The following SLC26A5 variants were observed in gnomAD, a reference collection of about 807,000 sequenced individuals.
The protein encoded by SLC26A5 is solute carrier family 26 member 5, also known as prestin.
SLC26A5 carries 51 observed loss-of-function variants against 81.0 expected under a neutral mutation model. The ratio of observed to expected loss-of-function variants is 0.63; its 90% CI spans 0.50 to 0.80. The LOEUF (loss-of-function observed/expected upper bound fraction) is 0.80. Ranked by LOEUF, SLC26A5 falls within the 30% of genes least tolerant of loss-of-function variation. The probability of loss-of-function intolerance (pLI) is 0.00; values close to 1 mark genes in which losing one functional copy is unlikely to be tolerated. For missense variants in SLC26A5, 771 were observed against 905.8 expected (o/e 0.85, Z 1.91); for synonymous variants, 325 against 332.8 (o/e 0.98, Z 0.25).
intron 8 of SLC26A5, among the ~76,000 whole-genome samples, chr7:103,400,091 C>T (rs554411334): frequency 7.9e-5 from 12 of 151,524 alleles, no homozygotes; most frequent in South Asian, 2.1e-4. Context: ...TACCCAGTAA[C>T]GGGATTGCTG....
rs1820797278 is a variant in SLC26A5, at chr7:103,367,860, T to C, written c.2041+8948A>G. On this transcript the variant is annotated intron_variant, in intron 19 of 19. Coordinates refer to the SLC26A5 transcript ENST00000339444. The surrounding 1 kb of genome is among the most constrained non-coding windows in gnomAD (Gnocchi z 6.1). Reference sequence around the variant, plus strand: ...TTGCTGGTCTGTCTGCTCAGGCTGCTTTAATTAAGCCCGTTTATTTTCTTT... The same window carrying C: ...TTGCTGGTCTGTCTGCTCAGGCTGCCTTAATTAAGCCCGTTTATTTTCTTT... The C allele has an allele frequency of 1.2e-6, 2 of 1,612,420 alleles. No individual in the cohort carries two copies. Among genetic ancestry groups the C allele is most frequent in the Non-Finnish European group, 1.7e-6 (2 of 1,179,422 alleles).
chr7:103,428,735 G>A lies in SLC26A5; in HGVS notation c.-53-7168C>T, dbSNP rs539538243. Among the ~76,000 whole-genome samples the A allele has an allele frequency of 2.0e-5, 3 of 151,856 alleles. No individual in the cohort carries two copies. In the East Asian group the frequency reaches 5.8e-4, roughly 29 times the overall value. On this transcript the variant is annotated intron_variant, in intron 2 of 19. Coordinates refer to ENST00000306312, the MANE Select transcript of SLC26A5 (RefSeq NM_198999.3). ...GTGCCACTACGCCTGGCTAATTTTT[G>A]TATAATATTTTTACTAGAGATGGGG...
chr7:103,445,167 G>C (rs905303036), intron 1 of SLC26A5: 4 of 152,108 alleles, frequency 2.6e-5, no homozygotes, highest in Non-Finnish European at 4.4e-5. Context: ...AGTACTCATC[G>C]AAGCTAGGAA....
At chr7:103,390,865 CTTTT>C (rs532219107) in intron 11 of SLC26A5, among the ~76,000 whole-genome samples, 1 of 134,616 alleles carries the variant, frequency 7.4e-6, no homozygotes. Context: ...TGGCCATTTA[CTTTT>C]TTTTTTTTTT....
chr7:103,421,704 T>C, intron 2 of SLC26A5, 137 bp from the exon 3 acceptor site: 2 of 615,744 alleles, frequency 3.2e-6, no homozygotes, highest in Non-Finnish European at 5.7e-6. Flanking sequence ...TGTATTGATC[T>C]GTATATAGGA....
At chr7:103,421,253 G>T in intron 3 of SLC26A5, 110 bp downstream of exon 3, 1 of 1,208,956 alleles carries the variant, frequency 8.3e-7, no homozygotes, top group Non-Finnish European at 1.2e-6. Flanking sequence ...TGATGGCTCA[G>T]CATTCATTTT....
chr7:103,363,448 C>T (rs776486315), intron 19 of SLC26A5: 1 of 1,596,228 alleles, frequency 6.3e-7, no homozygotes, highest in Non-Finnish European at 8.6e-7. Flanking sequence ...ATGTAAGTAG[C>T]TGAGTGTTGT....
intron 6 of SLC26A5, 114 bp downstream of exon 6, chr7:103,411,306 G>C (rs1824466281): frequency 8.1e-7 from 1 of 1,230,198 alleles, no homozygotes; most frequent in Admixed American, 2.0e-5. Flanking sequence ...CCAGAGCTCT[G>C]GGGTTTTTCT....
chr7:103,412,041 A>C (rs1824526138), intron 5 of SLC26A5, among the ~76,000 whole-genome samples: 1 of 152,196 alleles, frequency 6.6e-6, no homozygotes, highest in African/African-American at 2.4e-5. Context: ...CTGGGACTGC[A>C]TGGAGAAAGG....
intron 13 of SLC26A5, 86 bp from the exon 14 acceptor site, chr7:103,389,200 C>T (rs547838460): frequency 8.3e-7 from 1 of 1,199,554 alleles, no homozygotes; most frequent in Non-Finnish European, 1.2e-6. Context: ...CACACACATG[C>T]TACTTTTACC....
chr7:103,413,200 T>C (rs1824646104), intron 4 of SLC26A5, 88 bp from the exon 5 acceptor site: 2 of 861,922 alleles, frequency 2.3e-6, no homozygotes, highest in Admixed American at 2.0e-5. Flanking sequence ...TTATTTCTGA[T>C]GAACGAGTGA....
Position 103,407,998 on chromosome 7 carries a change from T to C in SLC26A5, c.741A>G (p.Thr247=), listed in dbSNP as rs754694152. ...YSGIFSVVYS[T]VAVLQNVKNL... ...TTTTAACATTCTGCAACACAGCAAC[T>C]GTACTCTGTAACACAGTGAATGCTG... The change falls in exon 8 of 20, where the codon ACA becomes ACG. Residue 247 remains threonine, a synonymous_variant. Transcript: ENST00000306312. 1 of 1,614,102 alleles carries C rather than the reference T, an allele frequency of 6.2e-7. No homozygotes were observed. The highest frequency in any genetic ancestry group is 8.5e-7 in the Non-Finnish European group (1 of 1,179,996).
At chr7:103,388,827 T>C (rs1822412927) in intron 14 of SLC26A5, 181 bp downstream of exon 14, 5 of 587,884 alleles carry the variant, frequency 8.5e-6, no homozygotes, top group Middle Eastern at 4.8e-4. Flanking sequence ...TATATGGAAT[T>C]TTTAAATTGG....
At chr7:103,416,133 T>G (rs1024973853) in intron 4 of SLC26A5, among the ~76,000 whole-genome samples, 5 of 152,246 alleles carry the variant, frequency 3.3e-5, no homozygotes, top group African/African-American at 1.2e-4. Flanking sequence ...AGATTCAATG[T>G]GTTTTTGTAT....
intron 2 of SLC26A5, among the ~76,000 whole-genome samples, chr7:103,426,805 G>C (rs919975409): frequency 6.6e-5 from 10 of 152,168 alleles, no homozygotes; most frequent in African/African-American, 2.4e-4. Flanking sequence ...ACCAACACTA[G>C]GAGATCAAAT....
chr7:103,369,404 T>G (rs1820897006), downstream of SLC26A5: 1 of 152,212 alleles, frequency 6.6e-6, no homozygotes, highest in African/African-American at 2.4e-5. Context: ...CACTCTGAAG[T>G]CTTTCCACTT....
chr7:103,407,409 A>G (rs1824141798), intron 8 of SLC26A5, among the ~76,000 whole-genome samples: 1 of 152,200 alleles, frequency 6.6e-6, no homozygotes, highest in Non-Finnish European at 1.5e-5. Flanking sequence ...ATTAAAGTGG[A>G]CCTAACTACT....
chr7:103,413,363 T>C (rs1824661853), intron 4 of SLC26A5, among the ~76,000 whole-genome samples: 2 of 152,152 alleles, frequency 1.3e-5, no homozygotes, highest in Admixed American at 1.3e-4. Flanking sequence ...TTTCACAAAT[T>C]AGATAAAAGC....
chr7:103,373,228 A>G (rs1821129818), downstream of SLC26A5, among the ~76,000 whole-genome samples: 1 of 152,234 alleles, frequency 6.6e-6, no homozygotes, highest in African/African-American at 2.4e-5. Flanking sequence ...AAGGGGAAAA[A>G]TCTAACTGGA....
Sources: gnomAD v4.1 joint callset for allele counts (sites outside exome capture counted in the v4.1 genomes callset) on GRCh38, gnomAD v4.1.1 for gene constraint, Gnocchi (gnomAD v3.1) non-coding constraint, MANE v1.5 for transcripts, NCBI Gene and HGNC (gene_info 2026-07-23, HGNC 2026-07-21) for gene names.